RIPOR2: variants seen among roughly 807,000 people sequenced by gnomAD.
RIPOR2 encodes RHO family interacting cell polarization regulator 2.
Under a neutral mutation model 114.5 loss-of-function variants are expected in RIPOR2, and 39 were observed. The observed-to-expected ratio is 0.34, with a 90% confidence interval of 0.26 to 0.44. The LOEUF (loss-of-function observed/expected upper bound fraction) is 0.44. Ranked by LOEUF, RIPOR2 falls within the 20% of genes least tolerant of loss-of-function variation. The pLI is 1.00. For synonymous variants in RIPOR2, 445 were observed against 484.4 expected, an observed-to-expected ratio of 0.92 and a Z score of 1.07; for missense variants, 1,007 against 1,255.1, an observed-to-expected ratio of 0.80 and a Z score of 2.99.
chr6:24,945,112 T>C (rs967347571), intron 1 of RIPOR2, among the ~76,000 whole-genome samples: 3 of 151,960 alleles, frequency 2.0e-5, no homozygotes, highest in Admixed American at 2.0e-4. Flanking sequence ...AAATATCACA[T>C]GTACCCCCAA....
intron 1 of RIPOR2, among the ~76,000 whole-genome samples, chr6:25,005,029 A>T (rs193080756): frequency 0.013 from 1,545 of 122,782 alleles, 14 homozygotes; most frequent in Non-Finnish European, 0.018. Context: ...ACACACACAC[A>T]CACTCTGCTG....
At chr6:24,933,996 G>C (rs1771584874) in intron 1 of RIPOR2, among the ~76,000 whole-genome samples, 1 of 152,184 alleles carries the variant, frequency 6.6e-6, no homozygotes, top group South Asian at 2.1e-4. Context: ...CCTTCAGGAT[G>C]GGGCCACGCA....
chr6:24,965,705 TTA>T (rs1300307011), intron 1 of RIPOR2, among the ~76,000 whole-genome samples: 1 of 152,194 alleles, frequency 6.6e-6, no homozygotes, highest in Non-Finnish European at 1.5e-5. Context: ...AAAAAACATT[TTA>T]TCGGAAATAA....
chr6:25,008,697 G>T (rs1775657105), intron 1 of RIPOR2, among the ~76,000 whole-genome samples: 1 of 152,234 alleles, frequency 6.6e-6, no homozygotes, highest in Non-Finnish European at 1.5e-5. Flanking sequence ...AAGGGAGCAG[G>T]AGATGATTTC....
At chr6:25,018,257 C>T (rs1776114384) in intron 1 of RIPOR2, among the ~76,000 whole-genome samples, 1 of 152,178 alleles carries the variant, frequency 6.6e-6, no homozygotes, top group South Asian at 2.1e-4. Context: ...CTTCCTAATG[C>T]TTTACATGAA....
In RIPOR2 at chr6:24,883,271, G is replaced by C. The variant is rs1766515883; in HGVS notation, c.62-7454C>G. Among the ~76,000 whole-genome samples, 1 of 152,108 alleles carries C rather than the reference G, an allele frequency of 6.6e-6. No homozygotes were observed. Among genetic ancestry groups the C allele is most frequent in the Non-Finnish European group, 1.5e-5 (1 of 68,028 alleles). Reference sequence around the variant, plus strand: ...AGTTCTCGCCAAGGCATTTCTCATGGGGGCCAAACGTCAACTTGGAAACCA... The same window carrying C: ...AGTTCTCGCCAAGGCATTTCTCATGCGGGCCAAACGTCAACTTGGAAACCA... On this transcript the variant is annotated intron_variant, in intron 1 of 21. Coordinates refer to ENST00000643898, the MANE Select transcript of RIPOR2 (RefSeq NM_001286445.3). This position sits in a 1 kb window ranked among gnomAD's most constrained non-coding sequence, Gnocchi z 4.1.
intron 11 of RIPOR2, among the ~76,000 whole-genome samples, chr6:24,848,426 A>G (rs1762535271): frequency 6.6e-6 from 1 of 152,230 alleles, no homozygotes; most frequent in Non-Finnish European, 1.5e-5. Flanking sequence ...CCCGTTCCTC[A>G]TTAACATTAG....
chr6:25,029,411 G>GAAAAAAA lies in RIPOR2; in HGVS notation c.76+12433_76+12439dup, dbSNP rs71544610. On this transcript the variant is annotated intron_variant, in intron 1 of 13. Transcript: ENST00000510784. ...CAGAGCGAGACTCCGTCTCAAAAAA[G>GAAAAAAA]AAAAAAAAAAAAAAAAAAAAAAGAA... Among the ~76,000 whole-genome samples the GAAAAAAA allele has an allele frequency of 9.2e-4, 83 of 90,582 alleles. 1 individual carries two copies. The highest frequency in any genetic ancestry group is 1.6e-3 in the African/African-American group (37 of 23,742). 59.4% of individuals were successfully genotyped at this position (90,582 alleles called of 152,430 possible).
At chr6:24,901,842 C>A (rs1768479669) in intron 1 of RIPOR2, among the ~76,000 whole-genome samples, 1 of 152,140 alleles carries the variant, frequency 6.6e-6, no homozygotes, top group African/African-American at 2.4e-5. Context: ...ACCAGCTAAT[C>A]CATTCGTTTG....
At chr6:25,041,734 A>G in intron 1 of RIPOR2, 1 of 616,868 alleles carries the variant, frequency 1.6e-6, no homozygotes, top group South Asian at 1.9e-5. Flanking sequence ...GGAAAGTGGA[A>G]GAGAGGAGGA....
intron 15 of RIPOR2, among the ~76,000 whole-genome samples, chr6:24,835,274 T>A (rs1198631442): frequency 1.3e-5 from 2 of 152,232 alleles, no homozygotes; most frequent in Non-Finnish European, 2.9e-5. Context: ...CAGGAGACTG[T>A]GGTTAGATTC....
chr6:24,910,901 G>A (rs1198977813), intron 1 of RIPOR2: 7 of 985,366 alleles, frequency 7.1e-6, no homozygotes, highest in South Asian at 4.7e-5. Flanking sequence ...TGCAATGCCC[G>A]GAGCTGCCCG....
At chr6:24,966,138 G>A (rs1310552665) in intron 1 of RIPOR2, among the ~76,000 whole-genome samples, 2 of 152,190 alleles carry the variant, frequency 1.3e-5, no homozygotes, top group Admixed American at 1.3e-4. Flanking sequence ...TAGCTATAGA[G>A]AAGGAACAGA....
intron 1 of RIPOR2, among the ~76,000 whole-genome samples, chr6:24,998,085 A>C (rs1294114044): frequency 6.6e-6 from 1 of 152,150 alleles, no homozygotes; most frequent in East Asian, 1.9e-4. Flanking sequence ...AGAGAACAGC[A>C]TGAGAGAGGA....
intron 1 of RIPOR2, among the ~76,000 whole-genome samples, chr6:25,018,939 T>G (rs946200129): frequency 2.6e-5 from 4 of 152,160 alleles, no homozygotes; most frequent in African/African-American, 9.7e-5. Context: ...TGCAAAATAG[T>G]GATGGTATAA....
intron 1 of RIPOR2, among the ~76,000 whole-genome samples, chr6:24,991,307 C>G (rs1413758369): frequency 6.6e-6 from 1 of 152,164 alleles, no homozygotes; most frequent in Non-Finnish European, 1.5e-5. Flanking sequence ...TCTTACATTA[C>G]CTTACCAGAT....
chr6:24,843,495 C>G lies in RIPOR2; in HGVS notation c.1224G>C (p.Leu408=). 6.4e-7 allele frequency: 1 copy of G among 1,562,588 alleles called. No individual in the cohort carries two copies. Among genetic ancestry groups the G allele is most frequent in the Non-Finnish European group, 8.7e-7 (1 of 1,150,908 alleles). ...NGKAAEEKMP[L]SLSFSDLPNG... is the part of the protein sequence containing the mutation. ...TGGGCAGGTCACTGAAGCTGAGCGACAGTGGCATTTTCTCCTCGGCTGCCT... is the reference window on the plus strand; with the variant it reads ...TGGGCAGGTCACTGAAGCTGAGCGAGAGTGGCATTTTCTCCTCGGCTGCCT... The change falls in exon 13 of 22, where the codon CTG becomes CTC. Residue 408 remains leucine (L), a synonymous_variant. Transcript: ENST00000643898.
intron 1 of RIPOR2, among the ~76,000 whole-genome samples, chr6:25,033,849 T>TA (rs1777114964): frequency 6.6e-6 from 1 of 152,144 alleles, no homozygotes; most frequent in African/African-American, 2.4e-5. Context: ...AAGATTTTTT[T>TA]ATTATTTTAT....
intron 19 of RIPOR2, among the ~76,000 whole-genome samples, chr6:24,819,831 T>C (rs2113644954): frequency 6.6e-6 from 1 of 151,752 alleles, no homozygotes; most frequent in South Asian, 2.1e-4. Flanking sequence ...GCTAATTTCT[T>C]CCTAAATGGT....
Sources: allele counts gnomAD v4.1 joint callset (sites outside exome capture counted in the v4.1 genomes callset), GRCh38; gene constraint gnomAD v4.1.1; non-coding constraint Gnocchi (gnomAD v3.1); transcripts MANE v1.5; gene names NCBI Gene and HGNC (gene_info 2026-07-23, HGNC 2026-07-21).